Variants in SCNM1 observed in about 807,000 individuals in gnomAD.
SCNM1 encodes sodium channel modifier 1.
SCNM1 carries 24 observed loss-of-function variants against 32.8 expected under a neutral mutation model. The observed-to-expected ratio is 0.73, with a 90% CI of 0.53 to 1.03. SCNM1 has a LOEUF of 1.03. Among genes scored for constraint, SCNM1 ranks in the 50% least tolerant of loss-of-function variants. The pLI, the probability that SCNM1 is intolerant of heterozygous loss-of-function variation, is 0.00. For missense variants in SCNM1, 274 were observed against 282.3 expected (o/e 0.97, Z 0.21); for synonymous variants, 99 against 103.2 (o/e 0.96, Z 0.25).
In SCNM1 at chr1:151,169,065, C is replaced by G; in HGVS notation, c.673C>G (p.Pro225Ala). 6.2e-7 allele frequency: 1 copy of G among 1,614,048 alleles called. No individual in the cohort carries two copies. The highest frequency in any genetic ancestry group is 1.3e-5 in the African/African-American group (1 of 75,002). ...VEFDSDEEEPPDLPLD is the reference protein window; with the variant it reads ...VEFDSDEEEPADLPLD ...GTTTGACTCTGATGAGGAGGAACCA[C>G]CTGATCTCCCCTTGGACTGATACCC... The change falls in exon 7 of 7, where the codon CCT becomes GCT. Residue 225 changes from proline to alanine, a missense_variant. Transcript: ENST00000368905.
intron 2 of SCNM1, 91 bp from the exon 3 acceptor site, chr1:151,166,843 A>G: frequency 6.4e-7 from 1 of 1,573,186 alleles, no homozygotes; most frequent in Non-Finnish European, 8.6e-7. Flanking sequence ...TGGGTTTTGC[A>G]AAGACTGCTA....
rs1683707704 is a variant in SCNM1 at position 151,166,497 on chromosome 1, C to T, written c.78C>T (p.Ala26=). ...AAAGAAGAGTCGGGGACCTCCTAGC[C>T]AGTTACATTCCAGAGGATGAGGCGC... ...LKKRRVGDLL[A]SYIPEDEALM... Residue 26 remains alanine (A), a synonymous_variant, in exon 2 of 7, where the codon GCC becomes GCT. Coordinates refer to ENST00000368905, the MANE Select transcript of SCNM1 (RefSeq NM_024041.4). 6.2e-7 allele frequency: 1 copy of T among 1,613,966 alleles called. No individual in the cohort carries two copies. The highest frequency in any genetic ancestry group is 1.1e-5 in the South Asian group (1 of 91,074).
In SCNM1 at chr1:151,167,316, T is replaced by G; in HGVS notation, c.310-10T>G. The stretch of plus-strand genomic sequence containing the variant: ...GAAGGCTCTGACTCTGTCTCCCATC[T>G]CCTTACCAGGCTCCTCTGCTAACTC... On this transcript the variant is annotated splice_polypyrimidine_tract_variant and intron_variant, in intron 4 of 6. Transcript: ENST00000368905. The G allele has an allele frequency of 6.2e-7, 1 of 1,614,036 alleles. No homozygotes were observed. Among genetic ancestry groups the G allele is most frequent in the Non-Finnish European group, 8.5e-7 (1 of 1,179,984 alleles).
chr1:151,168,103 C>T (rs1346915797), intron 5 of SCNM1, 41 bp from the exon 6 acceptor site: 2 of 1,544,564 alleles, frequency 1.3e-6, no homozygotes, highest in Non-Finnish European at 1.7e-6. Context: ...AGAGTTGGCC[C>T]TTTCCCTTAC....
Position 151,168,152 on chromosome 1 carries a change from C to A in SCNM1, c.407C>A (p.Ala136Asp). The A allele has an allele frequency of 6.2e-7, 1 of 1,612,100 alleles. No homozygotes were observed. Among genetic ancestry groups the A allele is most frequent in the Non-Finnish European group, 8.5e-7 (1 of 1,178,970 alleles). The change falls in exon 6 of 7, where the codon GCC becomes GAC. Residue 136 changes from alanine to aspartate, a missense_variant. Ala to Asp is a moderately radical substitution (Grantham distance 126). Transcript: ENST00000368905. Reference protein sequence around the residue: ...SCCRRKYRPEAPGPSVSLSPM... With the variant: ...SCCRRKYRPEDPGPSVSLSPM... ...TATTCTTCTCTACCTAGACCAGAAG[C>A]CCCTGGTCCCTCTGTCTCCCTTTCC...
At chr1:151,168,088 A>G in intron 5 of SCNM1, 56 bp from the exon 6 acceptor site, 1 of 1,516,110 alleles carries the variant, frequency 6.6e-7, no homozygotes, top group South Asian at 1.3e-5. Context: ...GTTGGGAGTC[A>G]TAGGAGAGTT....
intron 5 of SCNM1, chr1:151,167,705 G>T (rs946192138): frequency 2.5e-6 from 1 of 402,034 alleles, no homozygotes; most frequent in Non-Finnish European, 4.7e-6. Flanking sequence ...TGTGGTGTGT[G>T]CCTGTAATCC....
Position 151,170,233 on chromosome 1 carries a change from T to A in SCNM1, c.*1148T>A, listed in dbSNP as rs1387086088. ...TGTCTTAGGCCACCTTACAGGCCCA[T>A]CCCACATTAACAAAACAAAACAAGA... On this transcript the variant is annotated 3_prime_UTR_variant, in exon 7 of 7. Transcript: ENST00000368905. 14 of 1,048,506 alleles carry A rather than the reference T, an allele frequency of 1.3e-5. No homozygotes were observed. Among genetic ancestry groups the A allele is most frequent in the Non-Finnish European group, 2.0e-5 (14 of 702,002 alleles). The allele number at this position is 1,048,506 out of a possible 1,614,324, so 65.0% of individuals were successfully genotyped here. A position where few individuals can be genotyped will look rare whatever the true frequency, so the allele number is the denominator to read the frequency against.
Position 151,167,432 on chromosome 1 carries a change from C to CAG in SCNM1, c.398+21_398+22dup. On this transcript the variant is annotated intron_variant, in intron 5 of 6. Transcript: ENST00000368905. ...AAGTACAGGTATGGGACGGGAAAGC[C>CAG]AGAGGTAGGAAGGCTCAGAAGGAGA... is the stretch of plus-strand genomic sequence containing the variant. 1 of 1,614,072 alleles carries CAG rather than the reference C, an allele frequency of 6.2e-7. No homozygotes were observed. The highest frequency in any genetic ancestry group is 8.5e-7 in the Non-Finnish European group (1 of 1,179,992).
chr1:151,167,550 G>C, intron 5 of SCNM1, 136 bp downstream of exon 5: 1 of 1,270,392 alleles, frequency 7.9e-7, no homozygotes, highest in Non-Finnish European at 1.1e-6. Flanking sequence ...GGAGAATTTT[G>C]GCTGGGCGCG....
Position 151,166,546 on chromosome 1 carries a change from G to A in SCNM1, c.122+5G>A. On this transcript the variant is annotated splice_donor_5th_base_variant and intron_variant, in intron 2 of 6. Transcript: ENST00000368905. ...GCTGATGCTTCGGGATGGACGGTAA[G>A]AGCAAGGAGTGGCTCAAGCCTGAGG... 6.2e-7 allele frequency: 1 copy of A among 1,613,800 alleles called. No individual in the cohort carries two copies. Among genetic ancestry groups the A allele is most frequent in the Non-Finnish European group, 8.5e-7 (1 of 1,179,954 alleles).
chr1:151,167,707 C>T (rs1161241673), intron 5 of SCNM1: 2 of 399,040 alleles, frequency 5.0e-6, no homozygotes, highest in East Asian at 5.8e-5. Flanking sequence ...TGGTGTGTGC[C>T]TGTAATCCCA....
chr1:151,166,461 C>A lies in SCNM1; in HGVS notation c.52-10C>A. 2 of 1,614,040 alleles carry A rather than the reference C, an allele frequency of 1.2e-6. No individual in the cohort carries two copies. ...GATCCCGTCCGGATTTCTTCCCCTA[C>A]TCCCTGCAGAAAAGAAGAGTCGGGG... On this transcript the variant is annotated splice_polypyrimidine_tract_variant and intron_variant, in intron 1 of 6. Transcript: ENST00000368905.
At chr1:151,166,351 A>G (rs971550225) in intron 1 of SCNM1, 120 bp from the exon 2 acceptor site, 5 of 1,539,676 alleles carry the variant, frequency 3.2e-6, no homozygotes, top group African/African-American at 2.8e-5. Context: ...TTTTCGGTCT[A>G]TGATCGCTGT....
At chr1:151,167,618 G>T (rs1558205751) in intron 5 of SCNM1, 5 of 588,492 alleles carry the variant, frequency 8.5e-6, no homozygotes, top group Non-Finnish European at 1.2e-5. Context: ...GATCACTTGA[G>T]GTCAGGAGTT....
In SCNM1 at chr1:151,167,176, AAAACATCAG is replaced by A; in HGVS notation, c.270_278del (p.Lys90_Gln92del). 1 of 1,614,246 alleles carries A rather than the reference AAAACATCAG, an allele frequency of 6.2e-7. No individual in the cohort carries two copies. Among genetic ancestry groups the A allele is most frequent in the African/African-American group, 1.3e-5 (1 of 75,062 alleles). ...CGGGAAAGGAAAGAAAGCAGAATCCAAAACATCAGAATGAATTGAGAAGGGAAGAAACCA... is the reference window on the plus strand; with the variant it reads ...CGGGAAAGGAAAGAAAGCAGAATCCAAATGAATTGAGAAGGGAAGAAACCA... On this transcript the variant is annotated inframe_deletion, in exon 4 of 7. Coordinates refer to ENST00000368905, the MANE Select transcript of SCNM1 (RefSeq NM_024041.4).
chr1:151,168,345 A>T lies in SCNM1; in HGVS notation c.593+7A>T, dbSNP rs1324494004. ...ATTATCTCACCCTTCGAAGGTGAGTATGCCTAATCAGTTTCCTCAGATTTT... is the reference window on the plus strand; with the variant it reads ...ATTATCTCACCCTTCGAAGGTGAGTTTGCCTAATCAGTTTCCTCAGATTTT... On this transcript the variant is annotated splice_region_variant and intron_variant, in intron 6 of 6. Transcript: ENST00000368905. 1.3e-6 allele frequency: 2 copies of T among 1,572,446 alleles called. No homozygotes were observed. The highest frequency in any genetic ancestry group is 1.7e-4 in the Middle Eastern group (1 of 5,866).
Position 151,167,364 on chromosome 1 carries a change from T to C in SCNM1, c.348T>C (p.Ser116=). Reference sequence around the variant, plus strand: ...CTCAGACACGACTTATCACCCAGAGTGCTCTGCACAGAGCTCCCCACTATA... The same window carrying C: ...CTCAGACACGACTTATCACCCAGAGCGCTCTGCACAGAGCTCCCCACTATA... ...LLTQTRLITQ[S]ALHRAPHYNS... Residue 116 remains serine (S), a synonymous_variant, in exon 5 of 7, where the codon AGT becomes AGC. Coordinates refer to ENST00000368905, the MANE Select transcript of SCNM1 (RefSeq NM_024041.4). 6.2e-7 allele frequency: 1 copy of C among 1,614,048 alleles called. No individual in the cohort carries two copies. The highest frequency in any genetic ancestry group is 8.5e-7 in the Non-Finnish European group (1 of 1,180,002).
rs143534337 is a variant in SCNM1, at chr1:151,168,863, C to G, written c.594-123C>G. The stretch of plus-strand genomic sequence containing the variant: ...ATGTTGGTCAGGCTGGTCTCGAACT[C>G]CTGACCTCAAGTGATCCACCTGCCT... On this transcript the variant is annotated intron_variant, in intron 6 of 6. Coordinates refer to ENST00000368905, the MANE Select transcript of SCNM1 (RefSeq NM_024041.4). The G allele has an allele frequency of 1.3e-3, 963 of 721,700 alleles. 16 individuals are homozygous for G. The East Asian group carries it at 0.034, about 26-fold the overall frequency. The allele number at this position is 721,700 out of a possible 1,614,324, so 44.7% of individuals were successfully genotyped here.
Sources: allele counts gnomAD v4.1 joint callset, GRCh38; gene constraint gnomAD v4.1.1; transcripts MANE v1.5; gene names NCBI Gene and HGNC (gene_info 2026-07-23, HGNC 2026-07-21).